Variants in ARMH3 observed in about 807,000 individuals in gnomAD.
ARMH3 encodes the protein armadillo like helical domain containing 3, also known as armadillo-like helical domain-containing protein 3.
In ARMH3, 60 loss-of-function variants were observed where a neutral mutation model predicts 99.1. That is an observed-to-expected ratio of 0.61 (90% confidence interval 0.49 to 0.75). ARMH3 has a LOEUF of 0.75. Ranked by LOEUF, ARMH3 falls within the 30% of genes least tolerant of loss-of-function variation. The probability of loss-of-function intolerance (pLI) is 0.00; values close to 1 mark genes in which losing one functional copy is unlikely to be tolerated. For synonymous variants in ARMH3, 285 were observed against 292.8 expected (o/e 0.97, Z 0.27); for missense variants, 679 against 843.1 (o/e 0.81, Z 2.41).
chr10:102,035,539 G>A (rs553940601), intron 2 of ARMH3, among the ~76,000 whole-genome samples: 2 of 152,186 alleles, frequency 1.3e-5, no homozygotes, highest in Admixed American at 1.3e-4. Flanking sequence ...GAGTGCCTGC[G>A]ATTGCAGGCG....
intron 19 of ARMH3, among the ~76,000 whole-genome samples, chr10:101,989,978 C>A (rs1219244055): frequency 6.6e-6 from 1 of 152,150 alleles, no homozygotes; most frequent in South Asian, 2.1e-4. Context: ...CAGACCCCTG[C>A]GATCACTATA....
At chr10:101,969,503 G>A (rs952452416) in intron 20 of ARMH3, among the ~76,000 whole-genome samples, 5 of 152,254 alleles carry the variant, frequency 3.3e-5, no homozygotes, top group Middle Eastern at 6.8e-3. Flanking sequence ...AGCTTCCAAC[G>A]AAAGGCTCTC....
intron 8 of ARMH3, among the ~76,000 whole-genome samples, chr10:102,017,649 C>T (rs1312526546): frequency 6.6e-6 from 1 of 152,170 alleles, no homozygotes; most frequent in Non-Finnish European, 1.5e-5. Context: ...AATGAGGCCC[C>T]AGAGGCTATT....
chr10:102,021,214 C>T (rs533204963), intron 8 of ARMH3, among the ~76,000 whole-genome samples: 1 of 151,554 alleles, frequency 6.6e-6, no homozygotes, highest in East Asian at 1.9e-4. Flanking sequence ...GTAGCTGAGA[C>T]TTCAGGCATG....
intron 1 of ARMH3, among the ~76,000 whole-genome samples, chr10:102,044,621 C>T (rs2067502218): frequency 6.6e-6 from 1 of 152,128 alleles, no homozygotes; most frequent in Non-Finnish European, 1.5e-5. Context: ...GCCTCAGCCT[C>T]CCAAAGTGCT....
intron 24 of ARMH3, among the ~76,000 whole-genome samples, chr10:101,876,547 C>T (rs1446914326): frequency 6.6e-6 from 1 of 152,184 alleles, no homozygotes; most frequent in Non-Finnish European, 1.5e-5. Flanking sequence ...TTGAAGACCA[C>T]ATCTTTTCAA....
At chr10:101,987,609 G>C (rs1846571156) in intron 19 of ARMH3, among the ~76,000 whole-genome samples, 1 of 152,208 alleles carries the variant, frequency 6.6e-6, no homozygotes. Context: ...GGGTTGGTCT[G>C]TGTGACCATT....
chr10:101,856,756 C>T (rs1427069136), intron 24 of ARMH3, among the ~76,000 whole-genome samples: 2 of 152,166 alleles, frequency 1.3e-5, no homozygotes, highest in Admixed American at 6.5e-5. Flanking sequence ...GAACCCATTT[C>T]TTCCACAAAG....
At chr10:101,860,695 G>C (rs890898568) in intron 24 of ARMH3, among the ~76,000 whole-genome samples, 1 of 152,206 alleles carries the variant, frequency 6.6e-6, no homozygotes, top group African/African-American at 2.4e-5. Flanking sequence ...ACAATTCTCA[G>C]AGTTCACAGA....
intron 14 of ARMH3, among the ~76,000 whole-genome samples, chr10:102,005,386 A>G (rs960424174): frequency 6.6e-6 from 1 of 151,268 alleles, no homozygotes; most frequent in Admixed American, 6.6e-5. Flanking sequence ...GTCTCAAAAA[A>G]AAAAAAAAAA....
At chr10:102,008,820 C>A (rs1003691219) in intron 13 of ARMH3, among the ~76,000 whole-genome samples, 2 of 152,112 alleles carry the variant, frequency 1.3e-5, no homozygotes, top group Non-Finnish European at 2.9e-5. Flanking sequence ...CCACCTCAGC[C>A]TCCCAAAGTG....
At chr10:101,887,592 CTTTTTTTT>C (rs34624064) in intron 24 of ARMH3, among the ~76,000 whole-genome samples, 6 of 96,880 alleles carry the variant, frequency 6.2e-5, no homozygotes, top group African/African-American at 1.2e-4. Context: ...CTCTCTCTCT[CTTTTTTTT>C]TTTTTTTTTT....
chr10:102,037,218 G>C (rs2067299271), intron 2 of ARMH3, among the ~76,000 whole-genome samples: 1 of 123,752 alleles, frequency 8.1e-6, no homozygotes, highest in Non-Finnish European at 1.6e-5. Flanking sequence ...TTCTTGCTCT[G>C]TCACCCAGGC....
chr10:102,041,247 G>A (rs886585623), intron 1 of ARMH3, among the ~76,000 whole-genome samples: 3 of 150,930 alleles, frequency 2.0e-5, no homozygotes, highest in South Asian at 4.2e-4. Context: ...TTGAGAACCC[G>A]AAATCCCACA....
chr10:101,871,131 G>A (rs895204780), intron 24 of ARMH3, among the ~76,000 whole-genome samples: 1 of 152,064 alleles, frequency 6.6e-6, no homozygotes, highest in African/African-American at 2.4e-5. Context: ...GATAAATTGA[G>A]CAAAATAGGC....
intron 24 of ARMH3, among the ~76,000 whole-genome samples, chr10:101,888,799 C>T (rs1483041394): frequency 6.6e-6 from 1 of 152,226 alleles, no homozygotes; most frequent in African/African-American, 2.4e-5. Flanking sequence ...GCCACGCTAA[C>T]GCCTCATCTG....
At chr10:101,981,955 G>C (rs1455944503) in intron 19 of ARMH3, among the ~76,000 whole-genome samples, 1 of 147,732 alleles carries the variant, frequency 6.8e-6, no homozygotes, top group Non-Finnish European at 1.5e-5. Flanking sequence ...CAGTGAGGTG[G>C]AGCTTGCAGT....
rs986331874 is a variant in ARMH3, at chr10:101,924,393, G to A, written c.1781+15470C>T. Among the ~76,000 whole-genome samples the A allele has an allele frequency of 2.2e-5, 3 of 138,888 alleles. No homozygotes were observed. In the East Asian group the frequency reaches 6.4e-4, roughly 29 times the overall value. 91.1% of individuals were successfully genotyped at this position (138,888 alleles called of 152,430 possible). Reference sequence around the variant, plus strand: ...TTTTTTTTTTTTGAGACAGAGTCTTGCTCTGTCGCCCAGGCTAGAGTGCAG... The same window carrying A: ...TTTTTTTTTTTTGAGACAGAGTCTTACTCTGTCGCCCAGGCTAGAGTGCAG... On this transcript the variant is annotated intron_variant, in intron 23 of 25. Transcript: ENST00000370033.
chr10:102,042,320 C>T (rs532008248), intron 1 of ARMH3, among the ~76,000 whole-genome samples: 14 of 152,318 alleles, frequency 9.2e-5, no homozygotes, highest in East Asian at 3.9e-4. Flanking sequence ...AGTTCTTAGA[C>T]GTGATAAGTA....
Sources: gnomAD v4.1 joint callset for allele counts (sites outside exome capture counted in the v4.1 genomes callset) on GRCh38, gnomAD v4.1.1 for gene constraint, MANE v1.5 for transcripts, NCBI Gene and HGNC (gene_info 2026-07-23, HGNC 2026-07-21) for gene names.